The following ZNF724 variants were observed in gnomAD, a reference collection of about 807,000 sequenced individuals.
ZNF724 encodes zinc finger protein 724.
ZNF724 carries 14 observed loss-of-function variants against 29.3 expected under a neutral mutation model. The ratio of observed to expected loss-of-function variants is 0.48; its 90% CI spans 0.32 to 0.75. ZNF724 has a LOEUF of 0.75. Ranked by LOEUF, ZNF724 falls within the 30% of genes least tolerant of loss-of-function variation. ZNF724 has a pLI of 0.04. For synonymous variants in ZNF724, 180 were observed against 193.6 expected (o/e 0.93, Z 0.58); for missense variants, 557 against 571.2 (o/e 0.98, Z 0.25).
At chr19:23,227,973 C>T (rs1971868644) in intron 3 of ZNF724, among the ~76,000 whole-genome samples, 1 of 152,224 alleles carries the variant, frequency 6.6e-6, no homozygotes, top group Middle Eastern at 3.4e-3. Context: ...CTTAACCCGA[C>T]AGCAAGAAAA....
At chr19:23,227,520 CA>C (rs2145774420) in intron 3 of ZNF724, among the ~76,000 whole-genome samples, 1 of 135,324 alleles carries the variant, frequency 7.4e-6, no homozygotes, top group East Asian at 2.2e-4. Context: ...CATGCCATTG[CA>C]CTCCAGCCTG....
chr19:23,223,283 T>A lies in ZNF724; in HGVS notation c.962A>T (p.Gln321Leu). ...ICEHCGRAFN[Q>L]SSNLTKHKRI... ...CTTATGTTTAGTAAGGTTCGAGGATTGGTTAAAAGCTCTGCCACAATGTTC... is the reference window on the plus strand; with the variant it reads ...CTTATGTTTAGTAAGGTTCGAGGATAGGTTAAAAGCTCTGCCACAATGTTC... The change falls in exon 4 of 4, where the codon CAA becomes CTA. Residue 321 changes from glutamine to leucine, a missense_variant. Physicochemically the swap from Gln to Leu is moderately radical, Grantham distance 113. Around this residue, in one of 3 missense-constraint regions of ZNF724, gnomAD observed 362 missense variants for 295.5 expected, o/e 1.22. Coordinates refer to ENST00000418100, the MANE Select transcript of ZNF724 (RefSeq NM_001355404.2). 1 of 802,504 alleles carries A rather than the reference T, an allele frequency of 1.2e-6. No homozygotes were observed. The highest frequency in any genetic ancestry group is 2.2e-6 in the Non-Finnish European group (1 of 447,282). The allele number at this position is 802,504 out of a possible 1,614,324, so 49.7% of individuals were successfully genotyped here. A position where few individuals can be genotyped will look rare whatever the true frequency, so the allele number is the denominator to read the frequency against.
chr19:23,222,438 A>G lies in ZNF724; in HGVS notation c.1807T>C (p.Ser603Pro), dbSNP rs1971732436. The G allele has an allele frequency of 4.0e-6, 5 of 1,262,396 alleles. No homozygotes were observed. The highest frequency in any genetic ancestry group is 2.9e-5 in the African/African-American group (2 of 68,264). 78.2% of individuals were successfully genotyped at this position (1,262,396 alleles called of 1,614,324 possible). ...KECGKAFNQCSNLTTHKKIHA... is the reference protein window; with the variant it reads ...KECGKAFNQCPNLTTHKKIHA... Reference sequence around the variant, plus strand: ...ATTTTCTTGTGTGTAGTAAGGTTTGAGCATTGGTTAAAAGCTTTGCCACAT... The same window carrying G: ...ATTTTCTTGTGTGTAGTAAGGTTTGGGCATTGGTTAAAAGCTTTGCCACAT... Residue 603 changes from serine (S) to proline (P), a missense_variant, in exon 4 of 4, where the codon TCA (serine) becomes CCA (proline). Physicochemically the swap from Ser to Pro is moderately conservative, Grantham distance 74. Transcript: ENST00000418100.
At chr19:23,225,253 G>C (rs1185140828) in intron 3 of ZNF724, among the ~76,000 whole-genome samples, 3 of 152,082 alleles carry the variant, frequency 2.0e-5, no homozygotes, top group Non-Finnish European at 4.4e-5. Context: ...GATGTCTTTT[G>C]ATTCATAAAC....
chr19:23,247,504 C>T (rs190907765), intron 1 of ZNF724, among the ~76,000 whole-genome samples: 2 of 152,280 alleles, frequency 1.3e-5, no homozygotes, highest in African/African-American at 4.8e-5. Flanking sequence ...TTCGTCAAGT[C>T]AGGCCATCCA....
intron 1 of ZNF724, among the ~76,000 whole-genome samples, chr19:23,249,748 G>T (rs902447440): frequency 1.3e-5 from 2 of 152,026 alleles, no homozygotes; most frequent in African/African-American, 4.8e-5. Flanking sequence ...TGGCCAGGCT[G>T]GTCTCGAACT....
chr19:23,237,717 T>TA (rs56110527), intron 1 of ZNF724, among the ~76,000 whole-genome samples: 47,611 of 132,434 alleles, frequency 0.36, 9,229 homozygotes, highest in African/African-American at 0.51. Context: ...GAACCCGTCT[T>TA]AAAAAAAAAA....
At chr19:23,240,412 C>T (rs1056663311) in intron 1 of ZNF724, among the ~76,000 whole-genome samples, 1 of 151,940 alleles carries the variant, frequency 6.6e-6, no homozygotes, top group African/African-American at 2.4e-5. Flanking sequence ...GAGTTTTGGT[C>T]GCACTCTGAC....
At chr19:23,234,255 C>A (rs890667642) in intron 1 of ZNF724, among the ~76,000 whole-genome samples, 3 of 152,152 alleles carry the variant, frequency 2.0e-5, no homozygotes, top group Admixed American at 6.6e-5. Context: ...ATTAAAACAA[C>A]ATAAATGTGT....
At chr19:23,235,106 T>C (rs78665323) in intron 1 of ZNF724, among the ~76,000 whole-genome samples, 2,453 of 151,978 alleles carry the variant, frequency 0.016, 59 homozygotes, top group African/African-American at 0.055. Context: ...ACATGTACTA[T>C]TGAAATGTTT....
intron 3 of ZNF724, among the ~76,000 whole-genome samples, chr19:23,226,425 C>G (rs1237243161): frequency 6.6e-6 from 1 of 152,114 alleles, no homozygotes; most frequent in Non-Finnish European, 1.5e-5. Context: ...GTCTTGGCCT[C>G]TCAAAATCCT....
intron 1 of ZNF724, among the ~76,000 whole-genome samples, chr19:23,249,986 G>A (rs571215951): frequency 1.1e-4 from 16 of 152,222 alleles, no homozygotes; most frequent in Non-Finnish European, 2.2e-4. Context: ...CGCTGCGGGA[G>A]CAGAGCTGCC....
At chr19:23,226,599 CAA>C (rs1971831753) in intron 3 of ZNF724, among the ~76,000 whole-genome samples, 1 of 151,978 alleles carries the variant, frequency 6.6e-6, no homozygotes. Context: ...CTTCAAATAA[CAA>C]AAGTGATCTG....
At chr19:23,228,068 C>G (rs556491886) in intron 3 of ZNF724, among the ~76,000 whole-genome samples, 57 of 152,156 alleles carry the variant, frequency 3.7e-4, no homozygotes, top group Admixed American at 1.4e-3. Flanking sequence ...ATATGGTACA[C>G]TGAGGTTGGA....
chr19:23,230,654 T>A (rs1305781844), intron 3 of ZNF724, among the ~76,000 whole-genome samples: 1 of 152,096 alleles, frequency 6.6e-6, no homozygotes, highest in African/African-American at 2.4e-5. Flanking sequence ...ACCAAAACAT[T>A]AAAAAAGCAG....
At chr19:23,226,112 C>T (rs1032711366) in intron 3 of ZNF724, among the ~76,000 whole-genome samples, 19 of 137,960 alleles carry the variant, frequency 1.4e-4, no homozygotes, top group African/African-American at 5.2e-4. Context: ...AGTGCAGTGG[C>T]TGAATCTCGG....
At position 23,221,781 on chromosome 19, in the gene ZNF724, T is replaced by G. The variant is rs1971718523; in HGVS notation, c.*604A>C. 1 of 152,928 alleles carries G rather than the reference T, an allele frequency of 6.5e-6. No individual in the cohort carries two copies. The highest frequency in any genetic ancestry group is 1.5e-5 in the Non-Finnish European group (1 of 68,652). The allele number at this position is 152,928 out of a possible 1,614,324, so 9.5% of individuals were successfully genotyped here. On this transcript the variant is annotated 3_prime_UTR_variant, in exon 4 of 4. Transcript: ENST00000418100. ...TGGGTAGAGATGGAGTTTCACCATG[T>G]TGGCCAGGCTGGTCTTGAACTTCTG...
intron 1 of ZNF724, among the ~76,000 whole-genome samples, chr19:23,247,010 G>A (rs986828363): frequency 6.6e-6 from 1 of 152,116 alleles, no homozygotes; most frequent in African/African-American, 2.4e-5. Flanking sequence ...ATCACCTGAG[G>A]TCAGGAGTTC....
At chr19:23,231,899 A>G (rs936704943) in intron 2 of ZNF724, among the ~76,000 whole-genome samples, 11 of 151,910 alleles carry the variant, frequency 7.2e-5, no homozygotes, top group Admixed American at 2.6e-4. Context: ...ACACCTGGCT[A>G]ATTTTTTTAT....
Sources: gnomAD v4.1 joint callset for allele counts (sites outside exome capture counted in the v4.1 genomes callset) on GRCh38, gnomAD v4.1.1 for gene constraint, gnomAD v4.1.1 regional missense constraint, MANE v1.5 for transcripts, NCBI Gene and HGNC (gene_info 2026-07-23, HGNC 2026-07-21) for gene names.